The following PRKN variants were observed in gnomAD, a reference collection of about 807,000 sequenced individuals.
PRKN encodes parkin RBR E3 ubiquitin protein ligase.
PRKN carries 56 observed loss-of-function variants against 59.5 expected under a neutral mutation model. The observed-to-expected ratio is 0.94, with a 90% CI of 0.76 to 1.18. PRKN has a LOEUF of 1.18. PRKN is among the 50% of genes most tolerant of loss of function. PRKN has a pLI of 0.00. For synonymous variants in PRKN, 250 were observed against 222.1 expected, an observed-to-expected ratio of 1.13 and a Z score of -1.12; for missense variants, 657 against 596.4, an observed-to-expected ratio of 1.10 and a Z score of -1.06.
At chr6:162,456,376 C>T (rs1029472493) in intron 1 of PRKN, among the ~76,000 whole-genome samples, 1 of 151,988 alleles carries the variant, frequency 6.6e-6, no homozygotes, top group South Asian at 2.1e-4. Flanking sequence ...AAACCATTCA[C>T]CCAAATATAT....
At chr6:161,862,588 C>T (rs530961071) in intron 6 of PRKN, among the ~76,000 whole-genome samples, 1 of 152,018 alleles carries the variant, frequency 6.6e-6, no homozygotes, top group African/African-American at 2.4e-5. Context: ...CTACTGTGAC[C>T]CCAGCCTGGA....
rs1245830388 is a variant in PRKN, at chr6:161,561,990, T to G, written c.933+7365A>C. Among the ~76,000 whole-genome samples the G allele has an allele frequency of 6.6e-6, 1 of 152,204 alleles. No homozygotes were observed. On this transcript the variant is annotated intron_variant, in intron 8 of 11. Transcript: ENST00000366898. This position sits in a 1 kb window ranked among gnomAD's most constrained non-coding sequence, Gnocchi z 5.0. ...AAGGACGCTCCCTGACCTCATCTTC[T>G]GCAAACTCTCAGTAGCATTCAACAC...
In PRKN at chr6:161,784,739, C is replaced by T. The variant is rs563521851; in HGVS notation, c.871+1033G>A. 2.0e-5 allele frequency among the ~76,000 whole-genome samples: 3 copies of T among 152,148 alleles called. No individual in the cohort carries two copies. The South Asian group carries it at 6.3e-4, about 32-fold the overall frequency. ...GGCAGTTCTCCTAAAGGTTAAACTTCGAATTCTGCTTCTCGGTATATATCC... is the reference window on the plus strand; with the variant it reads ...GGCAGTTCTCCTAAAGGTTAAACTTTGAATTCTGCTTCTCGGTATATATCC... On this transcript the variant is annotated intron_variant, in intron 7 of 11. Transcript: ENST00000366898.
chr6:161,370,334 C>T (rs1023494670), intron 10 of PRKN, among the ~76,000 whole-genome samples: 1 of 151,284 alleles, frequency 6.6e-6, no homozygotes, highest in Non-Finnish European at 1.5e-5. Flanking sequence ...CCTGTAATCC[C>T]AGCACTTTGG....
At chr6:161,889,949 G>T (rs1296399122) in intron 6 of PRKN, among the ~76,000 whole-genome samples, 1 of 152,088 alleles carries the variant, frequency 6.6e-6, no homozygotes, top group Non-Finnish European at 1.5e-5. Context: ...GAAACCAAAA[G>T]AAGCCCCATA....
At chr6:162,126,456 A>G (rs746660743) in intron 4 of PRKN, among the ~76,000 whole-genome samples, 7 of 152,184 alleles carry the variant, frequency 4.6e-5, no homozygotes, top group Non-Finnish European at 1.0e-4. Context: ...CACTTAGTTT[A>G]TCGTTATTTA....
intron 7 of PRKN, among the ~76,000 whole-genome samples, chr6:161,741,934 C>A (rs1315999426): frequency 6.9e-6 from 1 of 145,918 alleles, no homozygotes; most frequent in African/African-American, 2.6e-5. Flanking sequence ...CTCATGAGAT[C>A]TGATGGGATT....
intron 2 of PRKN, among the ~76,000 whole-genome samples, chr6:162,416,809 T>G (rs1788649910): frequency 6.6e-6 from 1 of 152,196 alleles, no homozygotes; most frequent in African/African-American, 2.4e-5. Context: ...AATGAAAATT[T>G]GAGTAAAGAT....
chr6:162,375,716 G>T (rs532945530), intron 2 of PRKN, among the ~76,000 whole-genome samples: 2 of 149,336 alleles, frequency 1.3e-5, no homozygotes, highest in South Asian at 2.1e-4. Flanking sequence ...GAAAGACTCT[G>T]CCAATCTGAT....
intron 2 of PRKN, among the ~76,000 whole-genome samples, chr6:162,271,106 T>C (rs527462044): frequency 6.7e-6 from 1 of 149,738 alleles, no homozygotes; most frequent in African/African-American, 2.5e-5. Context: ...GCATAAATGA[T>C]TCTCCTGCCT....
intron 1 of PRKN, chr6:162,569,209 C>T (rs942031381): frequency 8.8e-6 from 5 of 570,554 alleles, no homozygotes; most frequent in Admixed American, 7.1e-5. Flanking sequence ...CCAAGATGAA[C>T]TGGAACATCA....
chr6:162,303,446 C>T (rs1233955932), intron 2 of PRKN, among the ~76,000 whole-genome samples: 1 of 152,142 alleles, frequency 6.6e-6, no homozygotes, highest in Non-Finnish European at 1.5e-5. Flanking sequence ...AGAAGAATTC[C>T]TCTCCATCAA....
intron 9 of PRKN, among the ~76,000 whole-genome samples, chr6:161,540,393 T>C (rs565612972): frequency 2.0e-5 from 3 of 152,328 alleles, no homozygotes; most frequent in South Asian, 4.1e-4. Flanking sequence ...TCATCCCATC[T>C]TCTCTAATTG....
At chr6:161,491,759 T>C (rs1423356130) in intron 9 of PRKN, among the ~76,000 whole-genome samples, 4 of 151,978 alleles carry the variant, frequency 2.6e-5, no homozygotes, top group Non-Finnish European at 5.9e-5. Flanking sequence ...GCCTCCTGAG[T>C]AGCTGGGATT....
At chr6:161,621,875 C>T (rs149433830) in intron 7 of PRKN, among the ~76,000 whole-genome samples, 3 of 152,230 alleles carry the variant, frequency 2.0e-5, no homozygotes, top group African/African-American at 7.2e-5. Flanking sequence ...AGTATGTTAC[C>T]AAGTGACAAA....
intron 7 of PRKN, among the ~76,000 whole-genome samples, chr6:161,736,883 T>A (rs140165873): frequency 6.6e-6 from 1 of 152,214 alleles, no homozygotes; most frequent in African/African-American, 2.4e-5. Flanking sequence ...GTGTTTTGTC[T>A]GAGGCTTCAA....
intron 6 of PRKN, among the ~76,000 whole-genome samples, chr6:161,794,898 T>C (rs917016015): frequency 6.6e-6 from 1 of 152,198 alleles, no homozygotes; most frequent in Non-Finnish European, 1.5e-5. Flanking sequence ...TAGCATTTTT[T>C]TTTTGAGGTG....
At chr6:161,653,666 G>A (rs1784231785) in intron 7 of PRKN, among the ~76,000 whole-genome samples, 1 of 152,190 alleles carries the variant, frequency 6.6e-6, no homozygotes, top group Non-Finnish European at 1.5e-5. Context: ...CCACAGAATA[G>A]AGAAGTACAT....
chr6:161,687,165 C>T (rs746715609), intron 7 of PRKN, among the ~76,000 whole-genome samples: 1 of 151,676 alleles, frequency 6.6e-6, no homozygotes, highest in African/African-American at 2.4e-5. Flanking sequence ...GGCGGGCAGA[C>T]TGCCTGAGGT....
Sources: gnomAD v4.1 joint callset for allele counts (sites outside exome capture counted in the v4.1 genomes callset) on GRCh38, gnomAD v4.1.1 for gene constraint, Gnocchi (gnomAD v3.1) non-coding constraint, MANE v1.5 for transcripts, NCBI Gene and HGNC (gene_info 2026-07-23, HGNC 2026-07-21) for gene names.